The following CHSY3 variants were observed in gnomAD, a reference collection of about 807,000 sequenced individuals.
The protein encoded by CHSY3 is N-acetylgalactosaminyl-proteoglycan 3-beta-glucuronosyltransferase 3.
CHSY3 carries 35 observed loss-of-function variants against 67.2 expected under a neutral mutation model. That is an observed-to-expected ratio of 0.52 (90% confidence interval 0.40 to 0.69). The LOEUF (loss-of-function observed/expected upper bound fraction) is 0.69, where lower values mean the gene tolerates loss of function less well. Among genes scored for constraint, CHSY3 ranks in the 30% least tolerant of loss-of-function variants. CHSY3 has a pLI of 0.00. For missense variants in CHSY3, 1,069 were observed against 1,138.5 expected (o/e 0.94, Z 0.88); for synonymous variants, 474 against 434.7 (o/e 1.09, Z -1.12).
chr5:130,105,128 A>G (rs79296753), intron 2 of CHSY3, among the ~76,000 whole-genome samples: 469 of 151,774 alleles, frequency 3.1e-3, no homozygotes, highest in African/African-American at 0.011. Context: ...GGTGGAAAGT[A>G]TGAATATGAG....
chr5:130,016,004 T>C (rs1044279719), intron 2 of CHSY3, among the ~76,000 whole-genome samples: 7 of 152,322 alleles, frequency 4.6e-5, no homozygotes, highest in African/African-American at 1.7e-4. Flanking sequence ...ATACCACATA[T>C]TCTCACTTAT....
intron 2 of CHSY3, among the ~76,000 whole-genome samples, chr5:130,012,992 G>A (rs1172626768): frequency 3.3e-5 from 5 of 151,884 alleles, no homozygotes; most frequent in Non-Finnish European, 1.5e-5. Context: ...GATACAATGA[G>A]GGTACAGGCA....
chr5:129,981,224 C>CAA (rs138422117), intron 2 of CHSY3, among the ~76,000 whole-genome samples: 205 of 147,960 alleles, frequency 1.4e-3, no homozygotes, highest in African/African-American at 3.9e-3. Context: ...CCGTCTCAAA[C>CAA]AAAAAAAAAA....
intron 2 of CHSY3, among the ~76,000 whole-genome samples, chr5:129,998,240 G>A (rs1253065730): frequency 9.4e-6 from 1 of 106,324 alleles, no homozygotes; most frequent in Admixed American, 9.7e-5. Context: ...TGTGCTCACT[G>A]TTAATAACAC....
intron 2 of CHSY3, among the ~76,000 whole-genome samples, chr5:129,912,704 CAGACCACAGT>C (rs1760607021): frequency 6.6e-6 from 1 of 152,150 alleles, no homozygotes; most frequent in South Asian, 2.1e-4. Context: ...GATGTGCACC[CAGACCACAGT>C]AGATCACAGT....
At chr5:129,932,103 CATATATATATATATAT>C (rs33960181) in intron 2 of CHSY3, among the ~76,000 whole-genome samples, 10,787 of 114,952 alleles carry the variant, frequency 0.094, 700 homozygotes, top group Admixed American at 0.18. Flanking sequence ...ACCATAAAAC[CATATATATATATATAT>C]ATATATATAT....
At chr5:130,056,267 G>GT (rs762321004) in intron 2 of CHSY3, among the ~76,000 whole-genome samples, 1 of 145,604 alleles carries the variant, frequency 6.9e-6, no homozygotes, top group South Asian at 2.1e-4. Context: ...AGAGAAGTTT[G>GT]TTAAAAAAAA....
intron 2 of CHSY3, among the ~76,000 whole-genome samples, chr5:129,976,468 C>T (rs1418242319): frequency 2.0e-5 from 3 of 152,106 alleles, no homozygotes; most frequent in East Asian, 1.9e-4. Context: ...CAGATATTTA[C>T]TGTAACAGAG....
chr5:130,161,623 T>C (rs1442024095), intron 2 of CHSY3, among the ~76,000 whole-genome samples: 2 of 152,254 alleles, frequency 1.3e-5, no homozygotes, highest in East Asian at 1.9e-4. Context: ...TATGTTAGCA[T>C]AGCTATTTTA....
intron 2 of CHSY3, among the ~76,000 whole-genome samples, chr5:130,160,085 GA>G (rs1769486766): frequency 6.6e-6 from 1 of 152,184 alleles, no homozygotes; most frequent in East Asian, 1.9e-4. Flanking sequence ...TTCCATCTGA[GA>G]AGACGATTTC....
chr5:129,984,703 A>T (rs1465119711), intron 2 of CHSY3, among the ~76,000 whole-genome samples: 1 of 152,088 alleles, frequency 6.6e-6, no homozygotes, highest in Non-Finnish European at 1.5e-5. Context: ...TCACTTTTTA[A>T]TAGTAGCCAT....
chr5:130,120,943 T>A (rs1767996422), intron 2 of CHSY3, among the ~76,000 whole-genome samples: 1 of 152,180 alleles, frequency 6.6e-6, no homozygotes. Context: ...CTCCTTTTTC[T>A]AATTTGTACA....
intron 2 of CHSY3, among the ~76,000 whole-genome samples, chr5:130,075,230 C>A (rs1233805705): frequency 1.3e-5 from 2 of 152,048 alleles, no homozygotes; most frequent in African/African-American, 4.8e-5. Flanking sequence ...AAGTCAAACA[C>A]CTTTTTATAA....
At chr5:130,126,584 AG>A (rs1768297589) in intron 2 of CHSY3, among the ~76,000 whole-genome samples, 3 of 152,172 alleles carry the variant, frequency 2.0e-5, no homozygotes, top group Admixed American at 1.3e-4. Flanking sequence ...GAAAGGAAAA[AG>A]AGAGAGACAG....
intron 2 of CHSY3, among the ~76,000 whole-genome samples, chr5:129,968,435 A>G (rs908150839): frequency 6.6e-6 from 1 of 151,878 alleles, no homozygotes; most frequent in African/African-American, 2.4e-5. Flanking sequence ...TTCAGCAAAC[A>G]TATATTGAAT....
At chr5:130,160,136 C>A (rs1047476092) in intron 2 of CHSY3, among the ~76,000 whole-genome samples, 1 of 152,142 alleles carries the variant, frequency 6.6e-6, no homozygotes, top group Non-Finnish European at 1.5e-5. Flanking sequence ...AAATCTGGAG[C>A]AGATTGAGTA....
At chr5:130,003,025 C>A (rs1763776633) in intron 2 of CHSY3, among the ~76,000 whole-genome samples, 1 of 152,162 alleles carries the variant, frequency 6.6e-6, no homozygotes, top group African/African-American at 2.4e-5. Context: ...TGAATGTTAT[C>A]AGGACTTCTC....
intron 2 of CHSY3, among the ~76,000 whole-genome samples, chr5:130,090,958 A>G (rs62391450): frequency 0.056 from 8,472 of 152,250 alleles, 352 homozygotes; most frequent in Non-Finnish European, 0.082. Flanking sequence ...GCTAGAAGCT[A>G]TCTGTCTGAC....
intron 2 of CHSY3, among the ~76,000 whole-genome samples, chr5:130,056,856 A>G (rs1475058041): frequency 6.6e-6 from 1 of 152,008 alleles, no homozygotes; most frequent in Non-Finnish European, 1.5e-5. Context: ...AATACTCAGA[A>G]AGCACAAAGA....
Sources: gnomAD v4.1 joint callset for allele counts (sites outside exome capture counted in the v4.1 genomes callset) on GRCh38, gnomAD v4.1.1 for gene constraint, MANE v1.5 for transcripts, NCBI Gene and HGNC (gene_info 2026-07-23, HGNC 2026-07-21) for gene names.